Variants in RBFOX1 observed in about 807,000 individuals in gnomAD.
The protein encoded by RBFOX1 is RNA binding protein fox-1 homolog 1.
In RBFOX1, 8 loss-of-function variants were observed where a neutral mutation model predicts 57.7. That is an observed-to-expected ratio of 0.14 (90% CI 0.08 to 0.25). RBFOX1 has a LOEUF of 0.25. Among genes scored for constraint, RBFOX1 ranks in the 10% least tolerant of loss-of-function variants. The probability of loss-of-function intolerance (pLI) is 1.00; values close to 1 mark genes in which losing one functional copy is unlikely to be tolerated. For missense variants in RBFOX1, 611 were observed against 548.5 expected (o/e 1.11, Z -1.14); for synonymous variants, 326 against 222.4 (o/e 1.47, Z -4.15).
At chr16:7,476,330 C>G (rs1368910957) in intron 4 of RBFOX1, among the ~76,000 whole-genome samples, 4 of 152,188 alleles carry the variant, frequency 2.6e-5, no homozygotes, top group African/African-American at 9.7e-5. Flanking sequence ...GGCCTTAATC[C>G]CTTTCCTTAA....
chr16:6,811,192 T>C (rs146780892), intron 3 of RBFOX1, among the ~76,000 whole-genome samples: 43 of 152,200 alleles, frequency 2.8e-4, no homozygotes, highest in African/African-American at 8.4e-4. Flanking sequence ...TGGAAAATAA[T>C]TGAAGAGACC....
Position 7,712,026 on chromosome 16 carries a change from C to G in RBFOX1, c.*1281C>G, listed in dbSNP as rs1359443453. The G allele has an allele frequency of 6.6e-6, 1 of 151,614 alleles. No individual in the cohort carries two copies. The highest frequency in any genetic ancestry group is 1.5e-5 in the Non-Finnish European group (1 of 67,950). The allele number at this position is 151,614 out of a possible 1,614,324, so 9.4% of individuals were successfully genotyped here. A position where few individuals can be genotyped will look rare whatever the true frequency, so the allele number is the denominator to read the frequency against. On this transcript the variant is annotated 3_prime_UTR_variant, in exon 16 of 16. Coordinates refer to ENST00000550418, the MANE Select transcript of RBFOX1 (RefSeq NM_018723.4). ...GCCCAGGACACTTGTCAGAAGGATG[C>G]AAAAAAAGAAAAAAGTACATCCACC...
chr16:6,839,960 GT>G (rs1319753296), intron 3 of RBFOX1, among the ~76,000 whole-genome samples: 1 of 151,974 alleles, frequency 6.6e-6, no homozygotes, highest in Non-Finnish European at 1.5e-5. Context: ...CTGTTTTCCT[GT>G]TTTCTTTTTA....
intron 1 of RBFOX1, among the ~76,000 whole-genome samples, chr16:5,443,486 C>T (rs749290992): frequency 1.3e-5 from 2 of 152,246 alleles, no homozygotes; most frequent in Middle Eastern, 3.4e-3. Context: ...TACAGGCACA[C>T]GCCACCACGC....
chr16:7,697,267 A>C (rs1295586204), intron 14 of RBFOX1, among the ~76,000 whole-genome samples: 1 of 152,062 alleles, frequency 6.6e-6, no homozygotes, highest in Admixed American at 6.6e-5. Flanking sequence ...TGATGGGAGA[A>C]CAAACAGGAC....
chr16:5,928,535 CA>C (rs1442869471), intron 4 of RBFOX1, among the ~76,000 whole-genome samples: 2 of 151,760 alleles, frequency 1.3e-5, no homozygotes, highest in Non-Finnish European at 2.9e-5. Context: ...TATTATTTGT[CA>C]ATTTAAAATA....
At chr16:5,309,007 C>T (rs920932583) in intron 1 of RBFOX1, among the ~76,000 whole-genome samples, 2 of 152,066 alleles carry the variant, frequency 1.3e-5, no homozygotes, top group African/African-American at 4.8e-5. Flanking sequence ...TGGCTGATCC[C>T]TTTCCTTTCT....
chr16:6,145,707 T>C (rs535833643), intron 1 of RBFOX1, among the ~76,000 whole-genome samples: 2 of 152,302 alleles, frequency 1.3e-5, no homozygotes, highest in South Asian at 4.1e-4. Flanking sequence ...TCAATGTTTA[T>C]GGCATACGTC....
chr16:7,538,804 G>A (rs1013539040), intron 5 of RBFOX1, among the ~76,000 whole-genome samples: 7 of 152,050 alleles, frequency 4.6e-5, no homozygotes, highest in African/African-American at 1.7e-4. Flanking sequence ...TCCCACAGAT[G>A]TCTGGAACTT....
intron 3 of RBFOX1, among the ~76,000 whole-genome samples, chr16:5,701,449 C>A (rs1186679522): frequency 6.6e-6 from 1 of 150,516 alleles, no homozygotes; most frequent in African/African-American, 2.4e-5. Context: ...CAGAGCTCCA[C>A]CTTCCTCCAT....
intron 2 of RBFOX1, among the ~76,000 whole-genome samples, chr16:6,629,288 C>T (rs1358082405): frequency 6.6e-6 from 1 of 152,106 alleles, no homozygotes; most frequent in Non-Finnish European, 1.5e-5. Flanking sequence ...AGAACACGAG[C>T]ATATAAAATG....
At chr16:6,841,146 T>G (rs2093439690) in intron 3 of RBFOX1, among the ~76,000 whole-genome samples, 1 of 152,170 alleles carries the variant, frequency 6.6e-6, no homozygotes, top group African/African-American at 2.4e-5. Flanking sequence ...ACTCTGGATA[T>G]TAGCCTATGG....
At chr16:7,091,394 C>G (rs1478706) in intron 4 of RBFOX1, among the ~76,000 whole-genome samples, 140,439 of 151,706 alleles carry the variant, frequency 0.93, 65,154 homozygotes, top group East Asian at 1. Context: ...TCATTTTATA[C>G]AAACATACCT....
chr16:7,173,605 A>G (rs1318133527), intron 4 of RBFOX1, among the ~76,000 whole-genome samples: 6 of 152,154 alleles, frequency 3.9e-5, no homozygotes, highest in Non-Finnish European at 7.4e-5. Flanking sequence ...TTCAACTGCA[A>G]TATTCAGAAA....
intron 14 of RBFOX1, among the ~76,000 whole-genome samples, chr16:7,695,589 T>G (rs1405999887): frequency 6.8e-6 from 1 of 146,048 alleles, no homozygotes; most frequent in African/African-American, 2.6e-5. Context: ...GAGGCGGAGG[T>G]TGCAGTGAGC....
chr16:7,595,435 A>C, intron 7 of RBFOX1, 114 bp from the exon 8 acceptor site: 1 of 739,522 alleles, frequency 1.4e-6, no homozygotes, highest in Non-Finnish European at 2.1e-6. Flanking sequence ...TTTGCATGTT[A>C]CAGAACTGAA....
At chr16:6,941,968 C>T (rs1342810821) in intron 3 of RBFOX1, among the ~76,000 whole-genome samples, 2 of 152,130 alleles carry the variant, frequency 1.3e-5, no homozygotes. Context: ...ATGGCTCACA[C>T]CTGTAATCCC....
chr16:5,964,329 C>T (rs1368591387), intron 4 of RBFOX1, among the ~76,000 whole-genome samples: 1 of 152,142 alleles, frequency 6.6e-6, no homozygotes, highest in Non-Finnish European at 1.5e-5. Context: ...TTATGGGAAA[C>T]AGTATGGAGA....
intron 4 of RBFOX1, among the ~76,000 whole-genome samples, chr16:7,156,239 CAT>C (rs1206409788): frequency 6.8e-6 from 1 of 147,956 alleles, no homozygotes; most frequent in Non-Finnish European, 1.5e-5. Context: ...TATACACACA[CAT>C]ATATATGTAT....
Sources: gnomAD v4.1 joint callset for allele counts (sites outside exome capture counted in the v4.1 genomes callset) on GRCh38, gnomAD v4.1.1 for gene constraint, MANE v1.5 for transcripts, NCBI Gene and HGNC (gene_info 2026-07-23, HGNC 2026-07-21) for gene names.